The following ARPP21 variants were observed in gnomAD, a reference collection of about 807,000 sequenced individuals.
The protein encoded by ARPP21 is cAMP-regulated phosphoprotein 21.
ARPP21 carries 69 observed loss-of-function variants against 113.2 expected under a neutral mutation model. The observed-to-expected ratio is 0.61, with a 90% CI of 0.50 to 0.74. The LOEUF is 0.74. Among genes scored for constraint, ARPP21 ranks in the 30% least tolerant of loss-of-function variants. The probability of loss-of-function intolerance (pLI) is 0.00; values close to 1 mark genes in which losing one functional copy is unlikely to be tolerated. For synonymous variants in ARPP21, 368 were observed against 375.5 expected (o/e 0.98, Z 0.23); for missense variants, 1,070 against 1,037.4 (o/e 1.03, Z -0.43).
chr3:35,680,572 T>C (rs1268602675), intron 2 of ARPP21, among the ~76,000 whole-genome samples: 2 of 151,962 alleles, frequency 1.3e-5, no homozygotes, highest in Admixed American at 6.6e-5. Flanking sequence ...TAAATGGTAA[T>C]TGAATACTCC....
intron 11 of ARPP21, among the ~76,000 whole-genome samples, chr3:35,710,999 T>C (rs2090959130): frequency 6.6e-6 from 1 of 152,222 alleles, no homozygotes; most frequent in Non-Finnish European, 1.5e-5. Context: ...CACATTTAAA[T>C]GTGAGAAATC....
At chr3:35,699,822 A>T (rs2085578940) in intron 9 of ARPP21, among the ~76,000 whole-genome samples, 1 of 151,842 alleles carries the variant, frequency 6.6e-6, no homozygotes, top group South Asian at 2.1e-4. Context: ...ATATATAAGC[A>T]GAAAGCCTTT....
chr3:35,721,773 G>A lies in ARPP21; in HGVS notation c.1164G>A (p.Thr388=), dbSNP rs775554850. 7.4e-6 allele frequency: 12 copies of A among 1,613,582 alleles called. No individual in the cohort carries two copies. The highest frequency in any genetic ancestry group is 5.0e-5 in the Admixed American group (3 of 59,976). The change falls in exon 14 of 21, where the codon ACG becomes ACA. Residue 388 remains threonine, a synonymous_variant. Coordinates refer to ENST00000684406, the MANE Select transcript of ARPP21 (RefSeq NM_001385562.1). ...MTKTASFGGI[T]VLTRGDSTSS... ...AGACGGCGAGTTTTGGGGGCATCACGGTGCTGACCAGGGGTGACAGCACTT... is the reference window on the plus strand; with the variant it reads ...AGACGGCGAGTTTTGGGGGCATCACAGTGCTGACCAGGGGTGACAGCACTT...
intron 19 of ARPP21, among the ~76,000 whole-genome samples, chr3:35,747,740 G>T (rs1421293396): frequency 1.3e-5 from 2 of 151,986 alleles, no homozygotes; most frequent in African/African-American, 4.8e-5. Flanking sequence ...GGGGAACTCA[G>T]ATTTCCTATT....
intron 1 of ARPP21, among the ~76,000 whole-genome samples, chr3:35,652,804 A>C (rs1702985208): frequency 6.6e-6 from 1 of 152,056 alleles, no homozygotes; most frequent in South Asian, 2.1e-4. Flanking sequence ...CCATTTGTGG[A>C]GGAAATCTGT....
At chr3:35,728,618 G>A (rs549334967) in intron 14 of ARPP21, among the ~76,000 whole-genome samples, 1 of 151,816 alleles carries the variant, frequency 6.6e-6, no homozygotes, top group East Asian at 1.9e-4. Flanking sequence ...CTGGTCAGAT[G>A]GTTAGAAAAA....
At chr3:35,774,568 A>G (rs1426454884) in intron 19 of ARPP21, among the ~76,000 whole-genome samples, 1 of 152,124 alleles carries the variant, frequency 6.6e-6, no homozygotes, top group African/African-American at 2.4e-5. Flanking sequence ...CTCCGTTTGA[A>G]TTGTGTTATA....
At chr3:35,730,547 C>T (rs575695214) in intron 15 of ARPP21, among the ~76,000 whole-genome samples, 53 of 152,352 alleles carry the variant, frequency 3.5e-4, no homozygotes, top group African/African-American at 1.3e-3. Context: ...GAAAGCTTGA[C>T]ATTGACTAGT....
At chr3:35,775,878 T>C (rs1314485272) in intron 19 of ARPP21, among the ~76,000 whole-genome samples, 1 of 152,192 alleles carries the variant, frequency 6.6e-6, no homozygotes, top group Non-Finnish European at 1.5e-5. Context: ...GCTTTTGTCT[T>C]ATTGATCAAT....
At chr3:35,649,577 C>T (rs906831767) in intron 1 of ARPP21, among the ~76,000 whole-genome samples, 1 of 152,094 alleles carries the variant, frequency 6.6e-6, no homozygotes, top group Non-Finnish European at 1.5e-5. Context: ...GAGAGATTAA[C>T]CATGGTGAAG....
chr3:35,710,039 G>A (rs2090533037), intron 11 of ARPP21, among the ~76,000 whole-genome samples: 1 of 152,176 alleles, frequency 6.6e-6, no homozygotes. Context: ...AGCTGGTCTG[G>A]TTCCATTAAT....
At chr3:35,748,507 G>A (rs546620432) in intron 19 of ARPP21, among the ~76,000 whole-genome samples, 81 of 151,598 alleles carry the variant, frequency 5.3e-4, no homozygotes, top group African/African-American at 1.9e-3. Context: ...AAGAAAGGAA[G>A]GAAGGAAAGA....
At chr3:35,731,335 C>T (rs778909893) in intron 15 of ARPP21, among the ~76,000 whole-genome samples, 3 of 151,952 alleles carry the variant, frequency 2.0e-5, no homozygotes, top group Non-Finnish European at 4.4e-5. Flanking sequence ...TTCATTGGAC[C>T]GAGTCATTTA....
chr3:35,770,355 A>T (rs1208916532), intron 19 of ARPP21, among the ~76,000 whole-genome samples: 1 of 152,220 alleles, frequency 6.6e-6, no homozygotes, highest in East Asian at 1.9e-4. Context: ...TGGCAAGATT[A>T]GTAAAATGGT....
chr3:35,760,311 G>T (rs1029752764), intron 19 of ARPP21, among the ~76,000 whole-genome samples: 2 of 152,062 alleles, frequency 1.3e-5, no homozygotes, highest in African/African-American at 4.8e-5. Flanking sequence ...CAGGGTTGGT[G>T]GCATTGTCTT....
At chr3:35,707,200 C>T (rs1259376956) in intron 10 of ARPP21, 118 bp downstream of exon 10, 8 of 744,494 alleles carry the variant, frequency 1.1e-5, no homozygotes, top group South Asian at 1.7e-5. Flanking sequence ...GCCTCTGATA[C>T]CACTGTCCTA....
chr3:35,741,649 GTTTCTTC>G (rs1361918013), intron 18 of ARPP21, among the ~76,000 whole-genome samples: 1 of 152,184 alleles, frequency 6.6e-6, no homozygotes, highest in South Asian at 2.1e-4. Flanking sequence ...ATTTTTTATA[GTTTCTTC>G]TTTCTTTTCT....
At chr3:35,789,727 A>T (rs185239832) in intron 19 of ARPP21, among the ~76,000 whole-genome samples, 1 of 152,312 alleles carries the variant, frequency 6.6e-6, no homozygotes, top group Admixed American at 6.5e-5. Context: ...TTCTGCTCTC[A>T]CAGGCTCTGC....
intron 19 of ARPP21, among the ~76,000 whole-genome samples, chr3:35,790,092 TTGTAAC>T (rs1259140249): frequency 6.6e-6 from 1 of 152,200 alleles, no homozygotes; most frequent in Non-Finnish European, 1.5e-5. Context: ...TTTGTTTACA[TTGTAAC>T]TGTATATATT....
Sources: gnomAD v4.1 joint callset for allele counts (sites outside exome capture counted in the v4.1 genomes callset) on GRCh38, gnomAD v4.1.1 for gene constraint, MANE v1.5 for transcripts, NCBI Gene and HGNC (gene_info 2026-07-23, HGNC 2026-07-21) for gene names.